The following TAFA4 variants were observed in gnomAD, a reference collection of about 807,000 sequenced individuals.
TAFA4 encodes the protein chemokine-like protein TAFA-4.
A neutral mutation model predicts 21.1 loss-of-function variants in TAFA4; 20 were observed. The observed-to-expected ratio is 0.95, with a 90% CI of 0.67 to 1.38. The LOEUF is 1.38. Among genes scored for constraint, TAFA4 ranks in the 40% most tolerant of loss-of-function variants. The pLI is 0.00. For missense variants in TAFA4, 211 were observed against 180.9 expected, an observed-to-expected ratio of 1.17 and a Z score of -0.95; for synonymous variants, 71 against 67.4, an observed-to-expected ratio of 1.05 and a Z score of -0.26.
At chr3:68,773,003 A>C (rs935578565) in intron 3 of TAFA4, among the ~76,000 whole-genome samples, 1 of 152,224 alleles carries the variant, frequency 6.6e-6, no homozygotes, top group Non-Finnish European at 1.5e-5. Context: ...GATCTCAATC[A>C]TCTATATGAG....
At chr3:68,931,650 C>T (rs1403467169) in intron 1 of TAFA4, among the ~76,000 whole-genome samples, 3 of 152,162 alleles carry the variant, frequency 2.0e-5, no homozygotes, top group African/African-American at 7.2e-5. Context: ...AGAGACGCAA[C>T]TTCCAGACCC....
At chr3:68,901,694 A>G (rs909318281) in intron 1 of TAFA4, among the ~76,000 whole-genome samples, 2 of 152,208 alleles carry the variant, frequency 1.3e-5, no homozygotes, top group Non-Finnish European at 1.5e-5. Flanking sequence ...AGAAAGTTAT[A>G]TTGAATAGCA....
chr3:68,736,494 TG>T (rs1311169019), intron 5 of TAFA4, among the ~76,000 whole-genome samples: 9 of 152,176 alleles, frequency 5.9e-5, no homozygotes, highest in African/African-American at 1.9e-4. Context: ...TGCATTTAAA[TG>T]GAAAATAAAA....
At chr3:68,901,916 G>C (rs562450155) in intron 1 of TAFA4, among the ~76,000 whole-genome samples, 5 of 152,292 alleles carry the variant, frequency 3.3e-5, no homozygotes, top group African/African-American at 1.2e-4. Context: ...TCTGAAAATA[G>C]ATTTGGAAAT....
intron 3 of TAFA4, among the ~76,000 whole-genome samples, chr3:68,781,849 A>G (rs1703160006): frequency 6.6e-6 from 1 of 152,182 alleles, no homozygotes; most frequent in South Asian, 2.1e-4. Flanking sequence ...ATAGATGCAA[A>G]AATCCTTTTA....
At chr3:68,741,610 A>C (rs1387722088) in intron 4 of TAFA4, among the ~76,000 whole-genome samples, 2 of 151,816 alleles carry the variant, frequency 1.3e-5, no homozygotes, top group Non-Finnish European at 2.9e-5. Flanking sequence ...CTGGATAACA[A>C]TGTGAAACCC....
chr3:68,916,359 A>G (rs1170621907), intron 1 of TAFA4: 1 of 152,194 alleles, frequency 6.6e-6, no homozygotes, highest in Non-Finnish European at 1.5e-5. Context: ...ACCACTGAGT[A>G]TCTCTCCATT....
chr3:68,931,646 G>C (rs1451225137), intron 1 of TAFA4, among the ~76,000 whole-genome samples: 1 of 152,116 alleles, frequency 6.6e-6, no homozygotes, highest in Non-Finnish European at 1.5e-5. Flanking sequence ...GGAAAGAGAC[G>C]CAACTTCCAG....
rs546090563 is a variant in TAFA4 at position 68,927,750 on chromosome 3, T to C, written c.-123+4490A>G. On this transcript the variant is annotated intron_variant, in intron 1 of 5. Coordinates refer to ENST00000295569, the MANE Select transcript of TAFA4 (RefSeq NM_182522.5). ...TCTGTCTCTAGAAAAAATAACAAAT[T>C]AGCTGGGCGTGATGGTGCACACCTG... Among the ~76,000 whole-genome samples the C allele has an allele frequency of 1.4e-4, 21 of 151,860 alleles. 1 individual carries two copies. The South Asian group carries it at 4.4e-3, about 32-fold the overall frequency.
intron 3 of TAFA4, among the ~76,000 whole-genome samples, chr3:68,837,769 T>C (rs939540606): frequency 1.3e-5 from 2 of 152,230 alleles, no homozygotes; most frequent in Non-Finnish European, 2.9e-5. Context: ...TCAATGTTTT[T>C]CTTTTGGATA....
At chr3:68,852,029 G>T (rs112908235) in intron 3 of TAFA4, among the ~76,000 whole-genome samples, 1 of 152,134 alleles carries the variant, frequency 6.6e-6, no homozygotes, top group Non-Finnish European at 1.5e-5. Context: ...TAACAGCTCC[G>T]CAGTGATTCT....
chr3:68,795,519 G>A (rs1441344384), intron 3 of TAFA4, among the ~76,000 whole-genome samples: 1 of 152,084 alleles, frequency 6.6e-6, no homozygotes, highest in African/African-American at 2.4e-5. Flanking sequence ...ACCCCAGTTA[G>A]GGCTAACTCA....
intron 1 of TAFA4, among the ~76,000 whole-genome samples, chr3:68,920,682 C>A (rs972010553): frequency 7.1e-6 from 1 of 140,104 alleles, no homozygotes; most frequent in Non-Finnish European, 1.5e-5. Context: ...GTATTCCCTG[C>A]AGGAGTTCTA....
intron 5 of TAFA4, among the ~76,000 whole-genome samples, chr3:68,738,070 CA>C (rs1437174184): frequency 6.6e-6 from 1 of 152,126 alleles, no homozygotes; most frequent in African/African-American, 2.4e-5. Context: ...ATATGGATAG[CA>C]ATCTATGTAA....
intron 3 of TAFA4, among the ~76,000 whole-genome samples, chr3:68,774,576 G>A (rs1019744383): frequency 1.3e-5 from 2 of 152,212 alleles, no homozygotes; most frequent in Non-Finnish European, 2.9e-5. Flanking sequence ...GAGAGAAGCA[G>A]TAGAGCAAAG....
intron 3 of TAFA4, among the ~76,000 whole-genome samples, chr3:68,767,436 T>C (rs1423582815): frequency 3.3e-5 from 5 of 152,010 alleles, no homozygotes; most frequent in African/African-American, 1.2e-4. Context: ...TACAAACATT[T>C]ACACATGCAA....
intron 3 of TAFA4, among the ~76,000 whole-genome samples, chr3:68,771,044 G>A (rs943176533): frequency 6.6e-6 from 1 of 152,106 alleles, no homozygotes; most frequent in South Asian, 2.1e-4. Context: ...TTGGCTGGGG[G>A]CGGTTGAAGA....
intron 4 of TAFA4, among the ~76,000 whole-genome samples, chr3:68,740,839 GGTCTAACTTCATTC>G (rs2106731374): frequency 6.6e-6 from 1 of 152,200 alleles, no homozygotes; most frequent in South Asian, 2.1e-4. Flanking sequence ...TTAAGTCACA[GGTCTAACTTCATTC>G]TTTTGCATGG....
chr3:68,922,403 A>C (rs771550890), intron 1 of TAFA4, among the ~76,000 whole-genome samples: 2 of 152,228 alleles, frequency 1.3e-5, no homozygotes, highest in African/African-American at 2.4e-5. Flanking sequence ...CCGGTATACC[A>C]AACAAGATCG....
Sources: allele counts gnomAD v4.1 joint callset (sites outside exome capture counted in the v4.1 genomes callset), GRCh38; gene constraint gnomAD v4.1.1; transcripts MANE v1.5; gene names NCBI Gene and HGNC (gene_info 2026-07-23, HGNC 2026-07-21).